Variants in PARG observed in about 807,000 individuals in gnomAD.
PARG encodes the protein poly(ADP-ribose) glycohydrolase, also known as mitochondrial poly(ADP-ribose) glycohydrolase.
In PARG, 35 loss-of-function variants were observed where a neutral mutation model predicts 113.0. That is an observed-to-expected ratio of 0.31 (90% CI 0.24 to 0.41). The LOEUF (loss-of-function observed/expected upper bound fraction) is 0.41, where lower values mean the gene tolerates loss of function less well. Among genes scored for constraint, PARG ranks in the 10% least tolerant of loss-of-function variants. The pLI, the probability that PARG is intolerant of heterozygous loss-of-function variation, is 1.00. For synonymous variants in PARG, 330 were observed against 409.9 expected, an observed-to-expected ratio of 0.81 and a Z score of 2.36; for missense variants, 797 against 1,169.4, an observed-to-expected ratio of 0.68 and a Z score of 4.64.
chr10:49,865,044 TACA>T (rs1202807491), intron 11 of PARG, among the ~76,000 whole-genome samples: 2 of 150,058 alleles, frequency 1.3e-5, no homozygotes, highest in Non-Finnish European at 3.0e-5. Context: ...TGTCTTCACA[TACA>T]ACACTTCTCA....
intron 16 of PARG, among the ~76,000 whole-genome samples, chr10:49,822,870 C>T (rs149870830): frequency 6.6e-6 from 1 of 152,278 alleles, no homozygotes; most frequent in African/African-American, 2.4e-5. Flanking sequence ...AGCAGACAAA[C>T]TCAAAGAACG....
chr10:49,858,464 G>A (rs1443571656), intron 12 of PARG, among the ~76,000 whole-genome samples: 1 of 120,686 alleles, frequency 8.3e-6, no homozygotes, highest in East Asian at 2.4e-4. Flanking sequence ...TAAAATATAC[G>A]ATTTCTTAAA....
At chr10:49,906,159 T>TTCTTTTTC (rs4012651) in intron 7 of PARG, among the ~76,000 whole-genome samples, 1 of 142,192 alleles carries the variant, frequency 7.0e-6, no homozygotes, top group African/African-American at 2.5e-5. Context: ...TTTTTTTTTT[T>TTCTTTTTC]CCCAGTAGAA....
intron 6 of PARG, among the ~76,000 whole-genome samples, chr10:49,919,849 C>A (rs1224094620): frequency 6.6e-6 from 1 of 152,120 alleles, no homozygotes; most frequent in East Asian, 1.9e-4. Flanking sequence ...CCACTGCGAT[C>A]TGATGTTCTA....
intron 7 of PARG, among the ~76,000 whole-genome samples, chr10:49,908,995 G>A (rs1170886179): frequency 6.6e-6 from 1 of 152,184 alleles, no homozygotes; most frequent in Non-Finnish European, 1.5e-5. Context: ...GAGGAATGAA[G>A]AGAGAAGAAA....
At chr10:49,900,621 C>A (rs1242381165) in intron 7 of PARG, among the ~76,000 whole-genome samples, 1 of 152,202 alleles carries the variant, frequency 6.6e-6, no homozygotes, top group Non-Finnish European at 1.5e-5. Flanking sequence ...AGAATTCTTA[C>A]TTTAGAAAAG....
Position 49,941,547 on chromosome 10 carries a change from C to T in PARG, c.179G>A (p.Gly60Glu). Reference protein sequence around the residue: ...VPPSSPACVPGRAGQHRGSAT... With the variant: ...VPPSSPACVPERAGQHRGSAT... Reference sequence around the variant, plus strand: ...GCTGCCTCTGTGCTGTCCCGCCCGCCCTGGGACGCAGGCTGGCGAGGACGG... The same window carrying T: ...GCTGCCTCTGTGCTGTCCCGCCCGCTCTGGGACGCAGGCTGGCGAGGACGG... The change falls in exon 1 of 18, where the codon GGG becomes GAG. Residue 60 changes from glycine (G) to glutamate (E), a missense_variant. Gly to Glu is a moderately conservative substitution (Grantham distance 98). Coordinates refer to ENST00000616448, the MANE Select transcript of PARG (RefSeq NM_003631.5). 6.4e-7 allele frequency: 1 copy of T among 1,559,494 alleles called. No individual in the cohort carries two copies. Among genetic ancestry groups the T allele is most frequent in the Non-Finnish European group, 8.7e-7 (1 of 1,152,056 alleles).
Position 49,885,277 on chromosome 10 carries a change from C to A in PARG, c.1756G>T (p.Ala586Ser), listed in dbSNP as rs781974714. 15 of 1,607,634 alleles carry A rather than the reference C, an allele frequency of 9.3e-6. No individual in the cohort carries two copies. The highest frequency in any genetic ancestry group is 4.5e-4 in the Middle Eastern group (2 of 4,448). Residue 586 changes from alanine to serine, a missense_variant, in exon 8 of 18, where the codon GCT becomes TCT. Ala to Ser is a moderately conservative substitution (Grantham distance 99, BLOSUM62 1). Transcript: ENST00000616448. ...AAGATGGACTGATATAAATGTTGAG[C>A]TTCTGCTTCTTCAAGTACCTGAAAA... ...FWDKVLEEAE[A>S]QHLYQSILPD...
chr10:49,847,213 T>A (rs1554833483), intron 13 of PARG, among the ~76,000 whole-genome samples: 1 of 152,212 alleles, frequency 6.6e-6, no homozygotes, highest in African/African-American at 2.4e-5. Context: ...GTTTAAAAAA[T>A]TAGCAATGAC....
intron 16 of PARG, among the ~76,000 whole-genome samples, chr10:49,831,568 T>C (rs536938039): frequency 1.3e-5 from 2 of 152,266 alleles, no homozygotes; most frequent in African/African-American, 4.8e-5. Flanking sequence ...GAGACCGAGC[T>C]CAATCATGTG....
Position 49,920,528 on chromosome 10 carries a change from A to G in PARG, c.1662+1808T>C, listed in dbSNP as rs569531592. ...CACACACACATATATATGTATATAC[A>G]TGTATATATATACACATATATATAC... On this transcript the variant is annotated intron_variant, in intron 6 of 17. Transcript: ENST00000616448. Among the ~76,000 whole-genome samples, 329 of 138,590 alleles carry G rather than the reference A, an allele frequency of 2.4e-3. 3 individuals carry two copies. Among genetic ancestry groups the G allele is most frequent in the South Asian group, 0.022 (97 of 4,380 alleles). 90.9% of individuals were successfully genotyped at this position (138,590 alleles called of 152,430 possible).
At chr10:49,877,987 A>G (rs1224257373) in intron 9 of PARG, among the ~76,000 whole-genome samples, 2 of 152,128 alleles carry the variant, frequency 1.3e-5, no homozygotes, top group Non-Finnish European at 2.9e-5. Flanking sequence ...AAATATGGTA[A>G]CTTTACAGTG....
At chr10:49,850,052 A>C (rs1468700754) in intron 13 of PARG, among the ~76,000 whole-genome samples, 1 of 147,918 alleles carries the variant, frequency 6.8e-6, no homozygotes, top group Non-Finnish European at 1.5e-5. Context: ...TATCTACATT[A>C]GCATCTTGTA....
intron 7 of PARG, among the ~76,000 whole-genome samples, chr10:49,913,817 C>T (rs868991814): frequency 6.6e-6 from 1 of 152,082 alleles, no homozygotes; most frequent in Admixed American, 6.5e-5. Flanking sequence ...GCAAGAGAAT[C>T]GCTTGAACCC....
intron 16 of PARG, among the ~76,000 whole-genome samples, chr10:49,826,039 T>C (rs1467158140): frequency 1.3e-5 from 2 of 152,210 alleles, no homozygotes; most frequent in African/African-American, 4.8e-5. Context: ...GAGCATTACC[T>C]TTGAGCATCA....
intron 13 of PARG, among the ~76,000 whole-genome samples, chr10:49,850,727 A>T (rs1845723253): frequency 6.6e-6 from 1 of 152,164 alleles, no homozygotes; most frequent in Admixed American, 6.5e-5. Context: ...ATCAATTATC[A>T]TGTTTCTACT....
intron 14 of PARG, among the ~76,000 whole-genome samples, chr10:49,842,363 AC>A (rs1194729014): frequency 1.3e-5 from 2 of 152,226 alleles, no homozygotes; most frequent in African/African-American, 4.8e-5. Flanking sequence ...TTGGGGGCAA[AC>A]AAAAGGAATC....
intron 13 of PARG, among the ~76,000 whole-genome samples, chr10:49,851,781 CAA>C (rs782455561): frequency 4.8e-4 from 39 of 81,928 alleles, no homozygotes; most frequent in African/African-American, 1.2e-3. Context: ...TAAGAGAAGA[CAA>C]AAAAAAAAAA....
At position 49,820,148 on chromosome 10, in the gene PARG, G is replaced by A; in HGVS notation, c.2776+17C>T. 1 of 1,514,572 alleles carries A rather than the reference G, an allele frequency of 6.6e-7. No homozygotes were observed. 93.8% of individuals were successfully genotyped at this position (1,514,572 alleles called of 1,614,324 possible). On this transcript the variant is annotated intron_variant, in intron 17 of 17. Coordinates refer to ENST00000616448, the MANE Select transcript of PARG (RefSeq NM_003631.5). ...AATCCATCTAGATACCAAGTGTCAA[G>A]AGTATCTCCTACTTACCAACAGTGA...
Sources: gnomAD v4.1 joint callset for allele counts (sites outside exome capture counted in the v4.1 genomes callset) on GRCh38, gnomAD v4.1.1 for gene constraint, MANE v1.5 for transcripts, NCBI Gene and HGNC (gene_info 2026-07-23, HGNC 2026-07-21) for gene names.